Variants in RNF217 observed in about 807,000 individuals in gnomAD.
The protein encoded by RNF217 is E3 ubiquitin-protein ligase RNF217.
In RNF217, 31 loss-of-function variants were observed where a neutral mutation model predicts 57.8. The ratio of observed to expected loss-of-function variants is 0.54; its 90% CI spans 0.40 to 0.72. The LOEUF (loss-of-function observed/expected upper bound fraction) is 0.72, where lower values mean the gene tolerates loss of function less well. Among genes scored for constraint, RNF217 ranks in the 30% least tolerant of loss-of-function variants. The pLI is 0.00. For missense variants in RNF217, 696 were observed against 708.3 expected, an observed-to-expected ratio of 0.98 and a Z score of 0.20; for synonymous variants, 313 against 294.0, an observed-to-expected ratio of 1.06 and a Z score of -0.66.
At chr6:125,077,568 C>A (rs983888608) in intron 4 of RNF217, among the ~76,000 whole-genome samples, 21 of 152,122 alleles carry the variant, frequency 1.4e-4, no homozygotes, top group African/African-American at 4.8e-4. Flanking sequence ...TGCCCATAAA[C>A]AAATCACCCT....
intron 3 of RNF217, among the ~76,000 whole-genome samples, chr6:125,059,561 G>T (rs1787653310): frequency 1.3e-5 from 2 of 152,090 alleles, no homozygotes; most frequent in African/African-American, 2.4e-5. Flanking sequence ...TTCCAAGTTA[G>T]CCTGGTTCTA....
At chr6:125,071,240 G>A (rs73772618) in intron 3 of RNF217, among the ~76,000 whole-genome samples, 24 of 152,222 alleles carry the variant, frequency 1.6e-4, no homozygotes, top group African/African-American at 5.5e-4. Flanking sequence ...ACATGCGTTT[G>A]GTAGAAACCA....
intron 1 of RNF217, among the ~76,000 whole-genome samples, chr6:124,969,049 T>TA (rs1304674537): frequency 1.3e-5 from 2 of 152,178 alleles, no homozygotes; most frequent in Non-Finnish European, 2.9e-5. Flanking sequence ...AGCTTTTTTT[T>TA]AAAAAAGTTA....
At chr6:125,026,514 A>C (rs909479572) in intron 1 of RNF217, among the ~76,000 whole-genome samples, 4 of 152,228 alleles carry the variant, frequency 2.6e-5, no homozygotes. Flanking sequence ...GGATGATACA[A>C]TTCAAGCCTT....
In RNF217 at chr6:125,082,473, A is replaced by G. The variant is rs369691588; in HGVS notation, c.1556-391A>G. 27 of 1,611,816 alleles carry G rather than the reference A, an allele frequency of 1.7e-5. 1 individual carries two copies. The South Asian group carries it at 2.7e-4, about 16-fold the overall frequency. The stretch of plus-strand genomic sequence containing the variant: ...GTTGAGGAAATTAAGACTTACTGGA[A>G]CCTCATAAGTGGTAGAACCAGGAAT... On this transcript the variant is annotated intron_variant, in intron 5 of 5. Coordinates refer to ENST00000521654, the MANE Select transcript of RNF217 (RefSeq NM_001286398.3).
intron 3 of RNF217, among the ~76,000 whole-genome samples, chr6:125,059,885 A>G (rs1190372772): frequency 1.3e-5 from 2 of 152,182 alleles, no homozygotes; most frequent in Non-Finnish European, 2.9e-5. Flanking sequence ...GAAAAGAACC[A>G]TGGAATCAGT....
chr6:125,035,889 T>TA (rs1178672728), intron 1 of RNF217, among the ~76,000 whole-genome samples: 1 of 151,900 alleles, frequency 6.6e-6, no homozygotes, highest in Non-Finnish European at 1.5e-5. Flanking sequence ...GTTGAAGTTT[T>TA]TTTTTTCAAT....
chr6:125,063,630 A>T (rs1369513161), intron 3 of RNF217, among the ~76,000 whole-genome samples: 2 of 152,276 alleles, frequency 1.3e-5, no homozygotes, highest in Non-Finnish European at 2.9e-5. Flanking sequence ...CACTCAGATC[A>T]TCACTATTAA....
At chr6:125,013,345 T>TTGTGTGTGTG (rs1388363342) in intron 1 of RNF217, among the ~76,000 whole-genome samples, 7 of 112,208 alleles carry the variant, frequency 6.2e-5, no homozygotes, top group African/African-American at 2.2e-4. Context: ...CTTGCATGTT[T>TTGTGTGTGTG]TGTGTATGTG....
chr6:125,053,510 A>G (rs1184867124), intron 2 of RNF217, among the ~76,000 whole-genome samples: 4 of 152,120 alleles, frequency 2.6e-5, no homozygotes, highest in Non-Finnish European at 5.9e-5. Context: ...TTTGAATTTG[A>G]TAAGTAATGA....
chr6:124,987,382 C>T (rs1449874053), intron 1 of RNF217, among the ~76,000 whole-genome samples: 3 of 152,148 alleles, frequency 2.0e-5, no homozygotes, highest in Non-Finnish European at 2.9e-5. Context: ...TCCCTGCCCT[C>T]ACCCCAGGCC....
chr6:124,967,181 G>A (rs1192943294), intron 1 of RNF217, among the ~76,000 whole-genome samples: 5 of 152,296 alleles, frequency 3.3e-5, no homozygotes, highest in Admixed American at 6.5e-5. Context: ...CCAGTGACCT[G>A]TGTATGCGTG....
At chr6:125,051,280 T>C (rs474025) in intron 2 of RNF217, among the ~76,000 whole-genome samples, 82,208 of 151,650 alleles carry the variant, frequency 0.54, 23,723 homozygotes, top group African/African-American at 0.73. Context: ...CCCTTTATCC[T>C]ATTGTCATTG....
chr6:125,087,480 C>T lies in RNF217; in HGVS notation c.*4543C>T, dbSNP rs1371621341. 6.6e-6 allele frequency: 1 copy of T among 151,946 alleles called. No homozygotes were observed. The highest frequency in any genetic ancestry group is 1.5e-5 in the Non-Finnish European group (1 of 68,000). 9.4% of individuals were successfully genotyped at this position (151,946 alleles called of 1,614,324 possible). A position where few individuals can be genotyped will look rare whatever the true frequency, so the allele number is the denominator to read the frequency against. On this transcript the variant is annotated 3_prime_UTR_variant, in exon 6 of 6. Transcript: ENST00000521654. ...GTGTTAATATCTATTATAAATATAG[C>T]CTTAAAATTTTGTAATGCACTTTAA...
intron 1 of RNF217, among the ~76,000 whole-genome samples, chr6:125,039,339 A>G (rs1786781538): frequency 6.6e-6 from 1 of 152,144 alleles, no homozygotes; most frequent in Non-Finnish European, 1.5e-5. Flanking sequence ...AACAAAGATC[A>G]AAAAAGACAA....
intron 1 of RNF217, among the ~76,000 whole-genome samples, chr6:125,001,629 T>C (rs954920979): frequency 2.6e-5 from 4 of 152,234 alleles, no homozygotes; most frequent in Non-Finnish European, 4.4e-5. Flanking sequence ...TTAGGGATTA[T>C]TGCTTACTAA....
At chr6:125,062,465 A>G (rs917169443) in intron 3 of RNF217, among the ~76,000 whole-genome samples, 6 of 152,178 alleles carry the variant, frequency 3.9e-5, no homozygotes, top group Non-Finnish European at 8.8e-5. Flanking sequence ...ATATACAAAC[A>G]TATCTAGAAT....
chr6:125,043,433 A>G (rs1180978549), intron 1 of RNF217, among the ~76,000 whole-genome samples: 2 of 151,916 alleles, frequency 1.3e-5, no homozygotes, highest in Non-Finnish European at 2.9e-5. Context: ...GAAAACCTGT[A>G]CTCACCATTT....
intron 4 of RNF217, among the ~76,000 whole-genome samples, chr6:125,077,127 A>C (rs557233460): frequency 6.6e-6 from 1 of 152,140 alleles, no homozygotes; most frequent in South Asian, 2.1e-4. Context: ...AAATTTCTGA[A>C]ACCCTGTCGT....
Sources: gnomAD v4.1 joint callset for allele counts (sites outside exome capture counted in the v4.1 genomes callset) on GRCh38, gnomAD v4.1.1 for gene constraint, MANE v1.5 for transcripts, NCBI Gene and HGNC (gene_info 2026-07-23, HGNC 2026-07-21) for gene names.